The following CFAP299 variants were observed in gnomAD, a reference collection of about 807,000 sequenced individuals.
CFAP299 encodes cilia and flagella associated protein 299, also known as cilia- and flagella-associated protein 299.
A neutral mutation model predicts 27.0 loss-of-function variants in CFAP299; 21 were observed. The ratio of observed to expected loss-of-function variants is 0.78; its 90% CI spans 0.55 to 1.12. The LOEUF is 1.12. CFAP299 is among the 50% of genes most tolerant of loss of function. The pLI is 0.00. For synonymous variants in CFAP299, 104 were observed against 98.1 expected, an observed-to-expected ratio of 1.06 and a Z score of -0.36; for missense variants, 310 against 276.6, an observed-to-expected ratio of 1.12 and a Z score of -0.86.
intron 3 of CFAP299, among the ~76,000 whole-genome samples, chr4:80,862,372 A>C (rs137968313): frequency 0.012 from 1,886 of 152,232 alleles, 28 homozygotes; most frequent in South Asian, 0.067. Context: ...TCCATCTCGA[A>C]AAATATAGTA....
intron 3 of CFAP299, among the ~76,000 whole-genome samples, chr4:80,590,017 T>A (rs909655997): frequency 2.0e-5 from 3 of 152,170 alleles, no homozygotes; most frequent in Non-Finnish European, 2.9e-5. Context: ...GTAGCATTGC[T>A]CATAATAGCA....
intron 3 of CFAP299, among the ~76,000 whole-genome samples, chr4:80,663,658 G>A (rs992880932): frequency 6.6e-6 from 1 of 152,228 alleles, no homozygotes; most frequent in Non-Finnish European, 1.5e-5. Context: ...CCCAGTAATG[G>A]GATTGCTGGG....
chr4:80,575,390 A>C (rs72659874), intron 2 of CFAP299, among the ~76,000 whole-genome samples: 2 of 151,256 alleles, frequency 1.3e-5, no homozygotes, highest in Non-Finnish European at 2.9e-5. Flanking sequence ...CAGTGGCACT[A>C]TCACACCTCA....
At chr4:80,344,398 A>G (rs1015384522) in intron 1 of CFAP299, among the ~76,000 whole-genome samples, 1 of 152,194 alleles carries the variant, frequency 6.6e-6, no homozygotes, top group African/African-American at 2.4e-5. Context: ...GAAAATCTAG[A>G]AGAAATGTAT....
chr4:80,641,809 T>C (rs1739740999), intron 3 of CFAP299, among the ~76,000 whole-genome samples: 1 of 152,214 alleles, frequency 6.6e-6, no homozygotes, highest in Non-Finnish European at 1.5e-5. Context: ...ACAGGGATGC[T>C]TTCAAAACAA....
intron 2 of CFAP299, among the ~76,000 whole-genome samples, chr4:80,581,204 T>C (rs1736144108): frequency 1.3e-5 from 2 of 151,670 alleles, no homozygotes; most frequent in South Asian, 4.1e-4. Flanking sequence ...AAGCTTATCC[T>C]GTGAGCAGTA....
At chr4:80,775,627 A>T (rs1440887849) in intron 3 of CFAP299, among the ~76,000 whole-genome samples, 2 of 151,766 alleles carry the variant, frequency 1.3e-5, no homozygotes, top group Non-Finnish European at 2.9e-5. Flanking sequence ...AAAGTTTACT[A>T]AAAAAAAGCA....
chr4:80,647,644 G>T (rs1253584460), intron 3 of CFAP299, among the ~76,000 whole-genome samples: 2 of 152,124 alleles, frequency 1.3e-5, no homozygotes, highest in Non-Finnish European at 2.9e-5. Context: ...TGTGGTGTAT[G>T]CTAATCAAGA....
At chr4:80,834,555 A>G (rs765009215) in intron 3 of CFAP299, among the ~76,000 whole-genome samples, 5 of 152,206 alleles carry the variant, frequency 3.3e-5, no homozygotes, top group Non-Finnish European at 7.3e-5. Flanking sequence ...GAAAATGTCC[A>G]GTCTGTTTCT....
intron 5 of CFAP299, among the ~76,000 whole-genome samples, chr4:80,948,310 C>A (rs1355395275): frequency 6.6e-6 from 1 of 152,084 alleles, no homozygotes; most frequent in Admixed American, 6.6e-5. Context: ...TAGGAAATTC[C>A]AAATGCAATA....
At chr4:80,882,164 A>G (rs1453300385) in intron 4 of CFAP299, among the ~76,000 whole-genome samples, 1 of 152,196 alleles carries the variant, frequency 6.6e-6, no homozygotes, top group African/African-American at 2.4e-5. Context: ...GAGAATAGAG[A>G]TAAAAATTGG....
intron 4 of CFAP299, among the ~76,000 whole-genome samples, chr4:80,880,148 G>A (rs10028779): frequency 6.6e-6 from 1 of 151,764 alleles, no homozygotes; most frequent in Non-Finnish European, 1.5e-5. Flanking sequence ...GGGAGAAAGG[G>A]GGGGAGAGAA....
intron 2 of CFAP299, among the ~76,000 whole-genome samples, chr4:80,574,495 T>C (rs1017322079): frequency 6.6e-6 from 1 of 152,172 alleles, no homozygotes; most frequent in Non-Finnish European, 1.5e-5. Context: ...TCCAGTACTA[T>C]GTGGAGTACA....
chr4:80,704,531 C>T (rs1183051922), intron 3 of CFAP299, among the ~76,000 whole-genome samples: 1 of 151,600 alleles, frequency 6.6e-6, no homozygotes, highest in Non-Finnish European at 1.5e-5. Context: ...TTTGTTCATG[C>T]CTATGGATAC....
chr4:80,829,611 G>A (rs1186149015), intron 3 of CFAP299, among the ~76,000 whole-genome samples: 1 of 152,002 alleles, frequency 6.6e-6, no homozygotes. Flanking sequence ...ACATATTGAA[G>A]GGATATTATA....
chr4:80,349,968 C>T (rs1722940941), intron 1 of CFAP299, among the ~76,000 whole-genome samples: 1 of 151,752 alleles, frequency 6.6e-6, no homozygotes. Context: ...AATGAACATA[C>T]AAGAAAAAAT....
chr4:80,353,475 G>A (rs1299019496), intron 1 of CFAP299, among the ~76,000 whole-genome samples: 9 of 152,180 alleles, frequency 5.9e-5, no homozygotes, highest in Non-Finnish European at 2.9e-5. Flanking sequence ...TTCCAAAAAT[G>A]TCATATTGTT....
rs565413914 is a variant in CFAP299 at position 80,393,393 on chromosome 4, A to G, written c.242+30509A>G. ...GTGTAGCCTAGTGCAGTGTTTATAA[A>G]GCCTACAGTACAGTAACGTGTTAGG... is the stretch of plus-strand genomic sequence containing the variant. On this transcript the variant is annotated intron_variant, in intron 2 of 5. Coordinates refer to ENST00000358105, the MANE Select transcript of CFAP299 (RefSeq NM_152770.3). Among the ~76,000 whole-genome samples, 14 of 152,322 alleles carry G rather than the reference A, an allele frequency of 9.2e-5. No homozygotes were observed. The East Asian group carries it at 2.7e-3, about 29-fold the overall frequency.
intron 2 of CFAP299, among the ~76,000 whole-genome samples, chr4:80,422,896 G>A (rs919565714): frequency 6.6e-6 from 1 of 152,154 alleles, no homozygotes; most frequent in African/African-American, 2.4e-5. Context: ...GTATACTTAT[G>A]TAAACCTAGA....
Sources: gnomAD v4.1 joint callset for allele counts (sites outside exome capture counted in the v4.1 genomes callset) on GRCh38, gnomAD v4.1.1 for gene constraint, MANE v1.5 for transcripts, NCBI Gene and HGNC (gene_info 2026-07-23, HGNC 2026-07-21) for gene names.